The following KEL variants were observed in gnomAD, a reference collection of about 807,000 sequenced individuals.
KEL encodes kell blood group glycoprotein.
A neutral mutation model predicts 99.5 loss-of-function variants in KEL; 96 were observed. The ratio of observed to expected loss-of-function variants is 0.97; its 90% CI spans 0.82 to 1.14. The LOEUF is 1.14. Among genes scored for constraint, KEL ranks in the 50% most tolerant of loss-of-function variants. The pLI, the probability that KEL is intolerant of heterozygous loss-of-function variation, is 0.00. For missense variants in KEL, 926 were observed against 924.2 expected (o/e 1.00, Z -0.03); for synonymous variants, 355 against 354.8 (o/e 1.00, Z -0.01).
chr7:142,959,069 C>T (rs541480105), intron 4 of KEL, among the ~76,000 whole-genome samples: 7 of 152,242 alleles, frequency 4.6e-5, no homozygotes, highest in Admixed American at 4.6e-4. Context: ...CAAGCTGTGC[C>T]CCAGCCACCT....
Position 142,953,934 on chromosome 7 carries a change from C to G in KEL, c.947G>C (p.Trp316Ser), listed in dbSNP as rs1402463091. 6.2e-7 allele frequency: 1 copy of G among 1,614,128 alleles called. No homozygotes were observed. The highest frequency in any genetic ancestry group is 2.2e-5 in the East Asian group (1 of 44,882). ...QLKEMAPAID[W>S]LSCLQATFTP... ...GAATGTCGCTTGCAAGCAGGACAACCAGTCGATGGCGGGGGCCATTTCCTT... is the reference window on the plus strand; with the variant it reads ...GAATGTCGCTTGCAAGCAGGACAACGAGTCGATGGCGGGGGCCATTTCCTT... The change falls in exon 9 of 19, where the codon TGG becomes TCG. Residue 316 changes from tryptophan to serine, a missense_variant. Trp to Ser is a radical substitution (Grantham distance 177). Transcript: ENST00000355265.
Position 142,952,562 on chromosome 7 carries a change from C to G in KEL, c.1150G>C (p.Ala384Pro), listed in dbSNP as rs771458379. ...AGTTTCTGGCTGAGCTTTCTGCGTGCCTCCTGGAATTGACTGTCCAGGGCT... is the reference window on the plus strand; with the variant it reads ...AGTTTCTGGCTGAGCTTTCTGCGTGGCTCCTGGAATTGACTGTCCAGGGCT... ...SPALDSQFQE[A>P]RRKLSQKLRE... Residue 384 changes from alanine to proline, a missense_variant, in exon 10 of 19, where the codon GCA (alanine) becomes CCA (proline). Physicochemically the swap from Ala to Pro is conservative, Grantham distance 27. Transcript: ENST00000355265. 6.8e-6 allele frequency: 11 copies of G among 1,614,156 alleles called. No individual in the cohort carries two copies. In the South Asian group the frequency reaches 1.1e-4, roughly 16 times the overall value.
In KEL at chr7:142,957,901, G is replaced by C; in HGVS notation, c.598C>G (p.Gln200Glu). ...FNRTLRLLMS[Q>E]YGHFPFFRAY... ...CTGAAGAAAGGGAAATGGCCATACT[G>C]ACTCATCAGAAGTCTCAGCGTTCGG... The change falls in exon 6 of 19, where the codon CAG becomes GAG. Residue 200 changes from glutamine (Q) to glutamate (E), a missense_variant. Transcript: ENST00000355265. The C allele has an allele frequency of 1.9e-6, 3 of 1,614,018 alleles. No individual in the cohort carries two copies. The highest frequency in any genetic ancestry group is 2.5e-6 in the Non-Finnish European group (3 of 1,179,934).
chr7:142,962,043 T>G (rs1796973051), intron 1 of KEL, 161 bp downstream of exon 1: 1 of 1,610,058 alleles, frequency 6.2e-7, no homozygotes, highest in African/African-American at 1.3e-5. Context: ...ACCTGTCCCC[T>G]GAATGTGCCA....
intron 10 of KEL, among the ~76,000 whole-genome samples, chr7:142,947,650 A>T (rs1237284627): frequency 6.6e-6 from 1 of 152,204 alleles, no homozygotes; most frequent in East Asian, 1.9e-4. Flanking sequence ...TCCCGGGTTC[A>T]AGTGAGTCTT....
chr7:142,944,839 C>A, intron 11 of KEL, 98 bp from the exon 12 acceptor site: 1 of 917,006 alleles, frequency 1.1e-6, no homozygotes. Flanking sequence ...GGCTTGGCCC[C>A]AAGGAGCTGC....
At chr7:142,945,223 A>T (rs1165322985) in intron 11 of KEL, among the ~76,000 whole-genome samples, 2 of 152,238 alleles carry the variant, frequency 1.3e-5, no homozygotes, top group Admixed American at 6.5e-5. Flanking sequence ...GTGAGTGTGT[A>T]CTCACTGCTT....
chr7:142,954,615 T>C (rs1422421103), intron 6 of KEL, 88 bp from the exon 7 acceptor site: 6 of 1,122,164 alleles, frequency 5.3e-6, no homozygotes, highest in Non-Finnish European at 8.2e-6. Flanking sequence ...CCATGGGAGA[T>C]GGCCTTGGGA....
intron 10 of KEL, among the ~76,000 whole-genome samples, chr7:142,950,025 G>C (rs1796641981): frequency 6.6e-6 from 1 of 152,130 alleles, no homozygotes; most frequent in South Asian, 2.1e-4. Context: ...TCATTCAAAA[G>C]AATATGATCA....
chr7:142,942,612 C>T (rs1023574001), intron 17 of KEL, 83 bp from the exon 18 acceptor site: 2 of 1,073,946 alleles, frequency 1.9e-6, no homozygotes, highest in African/African-American at 3.1e-5. Context: ...ACCCAAAACC[C>T]ATGGCCCTTG....
At position 142,944,347 on chromosome 7, in the gene KEL, C is replaced by T; in HGVS notation, c.1467G>A (p.Glu489=). 6.2e-7 allele frequency: 1 copy of T among 1,614,102 alleles called. No individual in the cohort carries two copies. The highest frequency in any genetic ancestry group is 8.5e-7 in the Non-Finnish European group (1 of 1,179,944). The part of the protein sequence containing the change: ...MGASEWALKP[E]LARQEYNDIQ... ...CATCGTTGTATTCTTGTCGGGCCAG[C>T]TCTGGCTTCAGGGCCCATTCTGAAG... Residue 489 remains glutamate (E), a synonymous_variant, in exon 13 of 19, where the codon GAG becomes GAA. Transcript: ENST00000355265.
intron 18 of KEL, among the ~76,000 whole-genome samples, chr7:142,941,870 A>G (rs928752589): frequency 6.7e-6 from 1 of 149,858 alleles, no homozygotes; most frequent in African/African-American, 2.5e-5. Flanking sequence ...GTGCAGTGGC[A>G]TGATCTTGGC....
At position 142,942,420 on chromosome 7, in the gene KEL, T is replaced by C; in HGVS notation, c.2037+14A>G. 2 of 1,538,374 alleles carry C rather than the reference T, an allele frequency of 1.3e-6. No individual in the cohort carries two copies. The highest frequency in any genetic ancestry group is 2.4e-5 in the South Asian group (2 of 82,444). On this transcript the variant is annotated intron_variant, in intron 18 of 18. Transcript: ENST00000355265. Reference sequence around the variant, plus strand: ...ACATAAAGCAAGCTGTGGCGGGAGGTGGCCGCTGCCTACCTGGGCATAGCT... The same window carrying C: ...ACATAAAGCAAGCTGTGGCGGGAGGCGGCCGCTGCCTACCTGGGCATAGCT...
At position 142,958,327 on chromosome 7, in the gene KEL, G is replaced by A. The variant is rs765086340; in HGVS notation, c.502C>T (p.Pro168Ser). 7 of 1,614,132 alleles carry A rather than the reference G, an allele frequency of 4.3e-6. No individual in the cohort carries two copies. Among genetic ancestry groups the A allele is most frequent in the Non-Finnish European group, 5.9e-6 (7 of 1,180,030 alleles). ...ACCTCCTCAATAACTTGTCTGAGGG[G>A]ACCAGTCCCTGCAGCTTCAATGGCA... The part of the protein sequence containing the change: ...TLAIEAAGTG[P>S]LRQVIEELGG... Residue 168 changes from proline to serine, a missense_variant, in exon 5 of 19, where the codon CCC (proline) becomes TCC (serine). Physicochemically the swap from Pro to Ser is moderately conservative, Grantham distance 74. Transcript: ENST00000355265.
intron 10 of KEL, among the ~76,000 whole-genome samples, chr7:142,950,155 C>T (rs1796645900): frequency 6.6e-6 from 1 of 152,162 alleles, no homozygotes; most frequent in Admixed American, 6.5e-5. Flanking sequence ...CAGGACATCC[C>T]ATTACTAACC....
In KEL at chr7:142,961,087, C is replaced by G. The variant is rs1391991946; in HGVS notation, c.241G>C (p.Val81Leu). The change falls in exon 4 of 19, where the codon GTG (valine) becomes CTG (leucine). Residue 81 changes from valine (V) to leucine (L), a missense_variant. Coordinates refer to ENST00000355265, the MANE Select transcript of KEL (RefSeq NM_000420.3). ...NCGPRPCETS[V>L]CLDLRDHYLA... Reference sequence around the variant, plus strand: ...TAATGATCCCGGAGATCCAAACACACAGATGTCTCACAGGGGCCTGTGGGG... The same window carrying G: ...TAATGATCCCGGAGATCCAAACACAGAGATGTCTCACAGGGGCCTGTGGGG... 6.2e-7 allele frequency: 1 copy of G among 1,613,958 alleles called. No homozygotes were observed. Among genetic ancestry groups the G allele is most frequent in the Non-Finnish European group, 8.5e-7 (1 of 1,180,050 alleles).
chr7:142,947,490 G>A (rs1460907234), intron 10 of KEL, among the ~76,000 whole-genome samples: 1 of 152,284 alleles, frequency 6.6e-6, no homozygotes, highest in East Asian at 1.9e-4. Context: ...GGAGGTTGCT[G>A]CAGGCCTGGC....
intron 6 of KEL, among the ~76,000 whole-genome samples, chr7:142,954,876 G>A (rs1186333150): frequency 1.3e-5 from 2 of 152,064 alleles, no homozygotes; most frequent in Non-Finnish European, 2.9e-5. Context: ...AATCTAAGAG[G>A]TACCAAAAAC....
chr7:142,954,376 G>C lies in KEL; in HGVS notation c.736-4C>G, dbSNP rs368168105. ...AAGTCAGGTATTCCCGAAAGATCTG[G>C]AGGAAGGAAATGTCAGTCACAGGTG... On this transcript the variant is annotated splice_region_variant and splice_polypyrimidine_tract_variant and intron_variant, in intron 7 of 18. Transcript: ENST00000355265. 6.2e-7 allele frequency: 1 copy of C among 1,614,164 alleles called. No individual in the cohort carries two copies. The highest frequency in any genetic ancestry group is 1.1e-5 in the South Asian group (1 of 91,080).
Sources: allele counts gnomAD v4.1 joint callset (sites outside exome capture counted in the v4.1 genomes callset), GRCh38; gene constraint gnomAD v4.1.1; transcripts MANE v1.5; gene names NCBI Gene and HGNC (gene_info 2026-07-23, HGNC 2026-07-21).